Variants in ZNF385D observed in about 807,000 individuals in gnomAD.
ZNF385D encodes zinc finger protein 659.
Under a neutral mutation model 35.8 loss-of-function variants are expected in ZNF385D, and 15 were observed. The observed-to-expected ratio is 0.42, with a 90% CI of 0.28 to 0.64. The LOEUF is 0.64. Among genes scored for constraint, ZNF385D ranks in the 30% least tolerant of loss-of-function variants. ZNF385D has a pLI of 0.23. For synonymous variants in ZNF385D, 212 were observed against 186.8 expected (o/e 1.13, Z -1.10); for missense variants, 474 against 494.6 (o/e 0.96, Z 0.39).
chr3:22,021,102 A>T (rs1697198703), intron 3 of ZNF385D, among the ~76,000 whole-genome samples: 1 of 151,924 alleles, frequency 6.6e-6, no homozygotes, highest in African/African-American at 2.4e-5. Context: ...ATAGGCAGAG[A>T]CGCAAGAGTG....
intron 1 of ZNF385D, among the ~76,000 whole-genome samples, chr3:21,729,071 C>T (rs2068885831): frequency 6.6e-6 from 1 of 152,048 alleles, no homozygotes; most frequent in African/African-American, 2.4e-5. Context: ...TCTGTAATGC[C>T]TGTATTCTGA....
intron 3 of ZNF385D, among the ~76,000 whole-genome samples, chr3:22,100,250 T>A (rs1159887499): frequency 1.5e-4 from 22 of 143,532 alleles, no homozygotes; most frequent in African/African-American, 5.9e-4. Flanking sequence ...GTAAACTAGT[T>A]CAACCATTGT....
chr3:21,815,649 A>G (rs2073114536), intron 3 of ZNF385D, among the ~76,000 whole-genome samples: 1 of 152,204 alleles, frequency 6.6e-6, no homozygotes. Context: ...GAATCCCTGA[A>G]TAGACCAATA....
chr3:21,814,075 C>T (rs935067002), intron 3 of ZNF385D, among the ~76,000 whole-genome samples: 2 of 152,212 alleles, frequency 1.3e-5, no homozygotes, highest in Middle Eastern at 3.4e-3. Flanking sequence ...ATTTTCAACC[C>T]AGAATTTCAT....
intron 2 of ZNF385D, among the ~76,000 whole-genome samples, chr3:22,212,812 T>A (rs1697609683): frequency 6.6e-6 from 1 of 151,994 alleles, no homozygotes; most frequent in Non-Finnish European, 1.5e-5. Context: ...ACTACAACAT[T>A]CGCTTGTTAT....
intron 1 of ZNF385D, among the ~76,000 whole-genome samples, chr3:21,738,101 C>T (rs1301031228): frequency 6.6e-6 from 1 of 152,240 alleles, no homozygotes; most frequent in African/African-American, 2.4e-5. Flanking sequence ...TCAGGCCCCA[C>T]CTGCCAGGGG....
chr3:22,313,794 G>A (rs981338746), intron 2 of ZNF385D, among the ~76,000 whole-genome samples: 2 of 152,062 alleles, frequency 1.3e-5, no homozygotes, highest in Non-Finnish European at 1.5e-5. Flanking sequence ...GCAAAAATGG[G>A]AATTTGTTAT....
intron 2 of ZNF385D, among the ~76,000 whole-genome samples, chr3:22,280,271 C>T (rs1438287250): frequency 6.6e-6 from 1 of 151,204 alleles, no homozygotes; most frequent in Non-Finnish European, 1.5e-5. Context: ...AGAAGTTTTT[C>T]ATTTATTTAA....
chr3:22,308,130 G>A (rs565208673), intron 2 of ZNF385D, among the ~76,000 whole-genome samples: 1 of 152,122 alleles, frequency 6.6e-6, no homozygotes, highest in South Asian at 2.1e-4. Flanking sequence ...AAGAGTGAGT[G>A]CAACTTCCAA....
intron 3 of ZNF385D, among the ~76,000 whole-genome samples, chr3:21,980,322 T>C (rs1211566779): frequency 6.6e-6 from 1 of 152,164 alleles, no homozygotes; most frequent in Non-Finnish European, 1.5e-5. Context: ...GCTAAGTCGC[T>C]TTTGAATTCC....
intron 3 of ZNF385D, among the ~76,000 whole-genome samples, chr3:21,793,764 A>C (rs1256070416): frequency 1.3e-5 from 2 of 152,198 alleles, no homozygotes; most frequent in Non-Finnish European, 2.9e-5. Flanking sequence ...CACATTAAAG[A>C]AGCAAAACAT....
intron 4 of ZNF385D, among the ~76,000 whole-genome samples, chr3:21,474,224 C>G (rs1008758655): frequency 6.6e-6 from 1 of 151,830 alleles, no homozygotes; most frequent in African/African-American, 2.4e-5. Context: ...GTAGGGAAAC[C>G]TAAAGGAATG....
intron 1 of ZNF385D, among the ~76,000 whole-genome samples, chr3:21,667,312 C>T (rs1326042614): frequency 6.6e-6 from 1 of 152,072 alleles, no homozygotes; most frequent in African/African-American, 2.4e-5. Context: ...CAGGCGCATG[C>T]CACCATGCCC....
chr3:22,205,748 A>G (rs942302790), intron 2 of ZNF385D, among the ~76,000 whole-genome samples: 1 of 151,978 alleles, frequency 6.6e-6, no homozygotes, highest in African/African-American at 2.4e-5. Flanking sequence ...CTAAAATATT[A>G]TAACAGATAC....
At chr3:22,026,696 A>T (rs1201129374) in intron 3 of ZNF385D, among the ~76,000 whole-genome samples, 1 of 152,168 alleles carries the variant, frequency 6.6e-6, no homozygotes, top group African/African-American at 2.4e-5. Flanking sequence ...GAGGGTTATT[A>T]TGGTGGGAAA....
chr3:22,232,733 G>A (rs1433965128), intron 2 of ZNF385D, among the ~76,000 whole-genome samples: 1 of 152,122 alleles, frequency 6.6e-6, no homozygotes, highest in African/African-American at 2.4e-5. Flanking sequence ...CTTTTTAATG[G>A]CTGCATAGTA....
At chr3:21,964,510 GACGGAGTCTC>G (rs1702791865) in intron 3 of ZNF385D, among the ~76,000 whole-genome samples, 1 of 101,426 alleles carries the variant, frequency 9.9e-6, no homozygotes, top group Non-Finnish European at 1.8e-5. Flanking sequence ...TTTTTTCTGA[GACGGAGTCTC>G]ACTCTGTCGC....
chr3:22,161,661 A>C (rs57532641), intron 3 of ZNF385D, among the ~76,000 whole-genome samples: 53,773 of 151,964 alleles, frequency 0.35, 9,739 homozygotes, highest in South Asian at 0.42. Context: ...CATTTCTGGC[A>C]TGATAGAGAA....
intron 3 of ZNF385D, among the ~76,000 whole-genome samples, chr3:21,811,706 T>A (rs1179467723): frequency 2.6e-5 from 4 of 152,154 alleles, no homozygotes; most frequent in African/African-American, 4.8e-5. Context: ...AATCAAACAC[T>A]TGATGAGGAA....
Sources: allele counts gnomAD v4.1 joint callset (sites outside exome capture counted in the v4.1 genomes callset), GRCh38; gene constraint gnomAD v4.1.1; transcripts MANE v1.5; gene names NCBI Gene and HGNC (gene_info 2026-07-23, HGNC 2026-07-21).